FAM78A: variants seen among roughly 807,000 people sequenced by gnomAD.
FAM78A encodes family with sequence similarity 78 member A.
Under a neutral mutation model 22.6 loss-of-function variants are expected in FAM78A, and 12 were observed. The observed-to-expected ratio is 0.53, with a 90% CI of 0.34 to 0.86. FAM78A has a LOEUF of 0.86. Ranked by LOEUF, FAM78A falls within the 40% of genes least tolerant of loss-of-function variation. FAM78A has a pLI of 0.02. For synonymous variants in FAM78A, 151 were observed against 155.8 expected (o/e 0.97, Z 0.23); for missense variants, 322 against 396.1 (o/e 0.81, Z 1.59).
At position 131,260,774 on chromosome 9, in the gene FAM78A, CAGCGGTATTATTATTTGTGAGTCTA is replaced by C. The variant is rs1835252448; in HGVS notation, c.*23_*47del. ...GAAGAGTGAGTCTGAGTTTTGTTTT[CAGCGGTATTATTATTTGTGAGTCTA>C]ACCTAGCGGGTGGTCCTGGCTGTCA... is the stretch of plus-strand genomic sequence containing the variant. On this transcript the variant is annotated 3_prime_UTR_variant, in exon 2 of 2. Coordinates refer to ENST00000372271, the MANE Select transcript of FAM78A (RefSeq NM_033387.4). This position sits in a 1 kb window ranked among gnomAD's most constrained non-coding sequence, Gnocchi z 5.4. 6.7e-7 allele frequency: 1 copy of C among 1,498,826 alleles called. No homozygotes were observed. Among genetic ancestry groups the C allele is most frequent in the African/African-American group, 1.4e-5 (1 of 71,384 alleles). The allele number at this position is 1,498,826 out of a possible 1,614,324, so 92.8% of individuals were successfully genotyped here.
chr9:131,276,485 CAG>C lies in FAM78A; in HGVS notation c.-308_-307del, dbSNP rs1244068224. On this transcript the variant is annotated 5_prime_UTR_variant, in exon 1 of 2. Transcript: ENST00000372271. The surrounding 1 kb of genome is among the most constrained non-coding windows in gnomAD (Gnocchi z 4.3). ...CCTCACACGCGGGGACGGCAGCTCG[CAG>C]ACTCTCCCTGAAGTCTTCGGAGGAA... The C allele has an allele frequency of 4.1e-6, 1 of 243,302 alleles. No homozygotes were observed. Among genetic ancestry groups the C allele is most frequent in the Non-Finnish European group, 8.0e-6 (1 of 125,340 alleles). 15.1% of individuals were successfully genotyped at this position (243,302 alleles called of 1,614,324 possible). A position where few individuals can be genotyped will look rare whatever the true frequency, so the allele number is the denominator to read the frequency against.
In FAM78A at chr9:131,268,124, T is replaced by C. The variant is rs143145638; in HGVS notation, c.324-6774A>G. ...CCATGTCACACAGTCTCCCGCTCAG[T>C]CCTGGTTTCAGTCCCTCACACAGGC... On this transcript the variant is annotated intron_variant, in intron 1 of 1. Coordinates refer to ENST00000372271, the MANE Select transcript of FAM78A (RefSeq NM_033387.4). Among the ~76,000 whole-genome samples the C allele has an allele frequency of 3.6e-3, 545 of 151,816 alleles. 7 individuals carry two copies. The highest frequency in any genetic ancestry group is 0.012 in the African/African-American group (504 of 41,364).
At position 131,276,045 on chromosome 9, in the gene FAM78A, G is replaced by A. The variant is rs1359636430; in HGVS notation, c.135C>T (p.Ala45=). The A allele has an allele frequency of 1.2e-6, 2 of 1,613,832 alleles. No individual in the cohort carries two copies. The highest frequency in any genetic ancestry group is 1.1e-5 in the South Asian group (1 of 91,084). The change falls in exon 1 of 2, where the codon GCC becomes GCT. Residue 45 remains alanine (A), a synonymous_variant. Coordinates refer to ENST00000372271, the MANE Select transcript of FAM78A (RefSeq NM_033387.4). This position sits in a 1 kb window ranked among gnomAD's most constrained non-coding sequence, Gnocchi z 4.3. Reference sequence around the variant, plus strand: ...TGCTAGTGGGGACGGGGTCGATGGAGGCTTTCACATCAATCACCGTGATCC... The same window carrying A: ...TGCTAGTGGGGACGGGGTCGATGGAAGCTTTCACATCAATCACCGTGATCC... ...REGITVIDVK[A]SIDPVPTSID...
intron 1 of FAM78A, among the ~76,000 whole-genome samples, chr9:131,269,385 G>A (rs1002597505): frequency 6.6e-6 from 1 of 152,186 alleles, no homozygotes; most frequent in African/African-American, 2.4e-5. Context: ...CTGCACTGCA[G>A]GCAGAGCATA....
rs1835434425 is a variant in FAM78A at position 131,272,700 on chromosome 9, G to A, written c.323+3157C>T. Among the ~76,000 whole-genome samples the A allele has an allele frequency of 6.6e-6, 1 of 152,184 alleles. No individual in the cohort carries two copies. The highest frequency in any genetic ancestry group is 1.5e-5 in the Non-Finnish European group (1 of 68,032). ...AATCCCAGCCCTTTGGGAGGCCAAG[G>A]CAGGCAGATCACCTGAGGTCAGGAG... On this transcript the variant is annotated intron_variant, in intron 1 of 1. Transcript: ENST00000372271. The surrounding 1 kb of genome is among the most constrained non-coding windows in gnomAD (Gnocchi z 4.1).
rs1170447276 is a variant in FAM78A at position 131,265,675 on chromosome 9, C to T, written c.324-4325G>A. On this transcript the variant is annotated intron_variant, in intron 1 of 1. Transcript: ENST00000372271. This position sits in a 1 kb window ranked among gnomAD's most constrained non-coding sequence, Gnocchi z 4.3. ...TGCTGGGATTACAGGCGTGAGCCAC[C>T]GCACCTGGCTGTAAACAACCTGAGA... 1.3e-5 allele frequency among the ~76,000 whole-genome samples: 2 copies of T among 152,188 alleles called. No homozygotes were observed. Among genetic ancestry groups the T allele is most frequent in the African/African-American group, 2.4e-5 (1 of 41,464 alleles).
rs1835463650 is a variant in FAM78A at position 131,274,883 on chromosome 9, C to T, written c.323+974G>A. 6.6e-6 allele frequency among the ~76,000 whole-genome samples: 1 copy of T among 152,198 alleles called. No individual in the cohort carries two copies. Among genetic ancestry groups the T allele is most frequent in the Non-Finnish European group, 1.5e-5 (1 of 68,040 alleles). Reference sequence around the variant, plus strand: ...CTGAGAGAGGTTCTGGGAGTGTCAGCGGCCAGTCACGGGGCCGCATGGGTG... The same window carrying T: ...CTGAGAGAGGTTCTGGGAGTGTCAGTGGCCAGTCACGGGGCCGCATGGGTG... On this transcript the variant is annotated intron_variant, in intron 1 of 1. Coordinates refer to ENST00000372271, the MANE Select transcript of FAM78A (RefSeq NM_033387.4). This position sits in a 1 kb window ranked among gnomAD's most constrained non-coding sequence, Gnocchi z 4.2.
intron 1 of FAM78A, among the ~76,000 whole-genome samples, chr9:131,268,018 C>T (rs1283378048): frequency 6.1e-5 from 9 of 148,470 alleles, no homozygotes; most frequent in African/African-American, 2.3e-4. Context: ...CGCCACTGCA[C>T]TCCAGCCTGG....
upstream of FAM78A, among the ~76,000 whole-genome samples, chr9:131,278,643 T>TC (rs1188932623): frequency 6.6e-6 from 1 of 151,844 alleles, no homozygotes. Flanking sequence ...CCAAGGTCCT[T>TC]CCCCCCGTCC....
At chr9:131,266,850 C>CT (rs1399108277) in intron 1 of FAM78A, among the ~76,000 whole-genome samples, 2 of 152,356 alleles carry the variant, frequency 1.3e-5, no homozygotes, top group South Asian at 2.1e-4. Flanking sequence ...GGATCAGTGG[C>CT]TGTCAGTGCA....
Position 131,276,046 on chromosome 9 carries a change from G to A in FAM78A, c.134C>T (p.Ala45Val). The change falls in exon 1 of 2, where the codon GCC becomes GTC. Residue 45 changes from alanine to valine, a missense_variant. Coordinates refer to ENST00000372271, the MANE Select transcript of FAM78A (RefSeq NM_033387.4). The surrounding 1 kb of genome is among the most constrained non-coding windows in gnomAD (Gnocchi z 4.3). ...REGITVIDVKASIDPVPTSID... is the reference protein window; with the variant it reads ...REGITVIDVKVSIDPVPTSID... ...GCTAGTGGGGACGGGGTCGATGGAGGCTTTCACATCAATCACCGTGATCCC... is the reference window on the plus strand; with the variant it reads ...GCTAGTGGGGACGGGGTCGATGGAGACTTTCACATCAATCACCGTGATCCC... 6.2e-7 allele frequency: 1 copy of A among 1,613,808 alleles called. No homozygotes were observed. Among genetic ancestry groups the A allele is most frequent in the Non-Finnish European group, 8.5e-7 (1 of 1,180,038 alleles).
In FAM78A at chr9:131,272,686, T is replaced by G. The variant is rs1296019688; in HGVS notation, c.323+3171A>C. On this transcript the variant is annotated intron_variant, in intron 1 of 1. Transcript: ENST00000372271. The surrounding 1 kb of genome is among the most constrained non-coding windows in gnomAD (Gnocchi z 4.1). ...AGGCTCACACCTGTAATCCCAGCCC[T>G]TTGGGAGGCCAAGGCAGGCAGATCA... Among the ~76,000 whole-genome samples the G allele has an allele frequency of 1.3e-5, 2 of 152,172 alleles. No individual in the cohort carries two copies. The highest frequency in any genetic ancestry group is 2.9e-5 in the Non-Finnish European group (2 of 68,024).
In FAM78A at chr9:131,261,128, A is replaced by G. The variant is rs352952; in HGVS notation, c.546T>C (p.Asn182=). The G allele has an allele frequency of 0.98, 1,588,396 of 1,614,134 alleles. 783,229 individuals are homozygous for G. The highest frequency in any genetic ancestry group is 1 in the Non-Finnish European group (1,176,990 of 1,180,036). The part of the protein sequence containing the change: ...VSESNVAKLT[N]IYRDQSFTTW... ...TGGTGAAGCTCTGGTCCCGGTAGAT[A>G]TTGGTGAGCTTGGCCACGTTGCTCT... Residue 182 remains asparagine (N), a synonymous_variant, in exon 2 of 2, where the codon AAT becomes AAC. Coordinates refer to ENST00000372271, the MANE Select transcript of FAM78A (RefSeq NM_033387.4). The surrounding 1 kb of genome is among the most constrained non-coding windows in gnomAD (Gnocchi z 7.1).
Position 131,272,010 on chromosome 9 carries a change from T to G in FAM78A, c.323+3847A>C, listed in dbSNP as rs536899373. ...GCTCTGTCTGCAAAAGTCAGGGTAT[T>G]ATTGAGATGGTGGTTTTTTTTTTTA... On this transcript the variant is annotated intron_variant, in intron 1 of 1. Transcript: ENST00000372271. The surrounding 1 kb of genome is among the most constrained non-coding windows in gnomAD (Gnocchi z 4.1). Among the ~76,000 whole-genome samples the G allele has an allele frequency of 1.3e-5, 2 of 152,256 alleles. No homozygotes were observed. The highest frequency in any genetic ancestry group is 3.9e-4 in the East Asian group (2 of 5,184).
chr9:131,274,929 C>A lies in FAM78A; in HGVS notation c.323+928G>T, dbSNP rs1423827579. On this transcript the variant is annotated intron_variant, in intron 1 of 1. Coordinates refer to ENST00000372271, the MANE Select transcript of FAM78A (RefSeq NM_033387.4). The surrounding 1 kb of genome is among the most constrained non-coding windows in gnomAD (Gnocchi z 4.2). ...GGGTGGGCTGCCCGCCGGGGCCTGC[C>A]TAGCTCTCTCCAAAGGGTCCTTACG... 6.6e-6 allele frequency among the ~76,000 whole-genome samples: 1 copy of A among 152,214 alleles called. No individual in the cohort carries two copies. The highest frequency in any genetic ancestry group is 1.5e-5 in the Non-Finnish European group (1 of 68,038).
Position 131,275,793 on chromosome 9 carries a change from C to A in FAM78A, c.323+64G>T. 2 of 1,499,134 alleles carry A rather than the reference C, an allele frequency of 1.3e-6. No homozygotes were observed. Among genetic ancestry groups the A allele is most frequent in the East Asian group, 2.3e-5 (1 of 43,532 alleles). The allele number at this position is 1,499,134 out of a possible 1,614,324, so 92.9% of individuals were successfully genotyped here. A position where few individuals can be genotyped will look rare whatever the true frequency, so the allele number is the denominator to read the frequency against. ...CCACCTTCCCCCTATCCGCGGCCCC[C>A]CACCAGGCCTCCAAGCTCGGCCATC... On this transcript the variant is annotated intron_variant, in intron 1 of 1. Coordinates refer to ENST00000372271, the MANE Select transcript of FAM78A (RefSeq NM_033387.4). This position sits in a 1 kb window ranked among gnomAD's most constrained non-coding sequence, Gnocchi z 4.6.
chr9:131,260,509 G>A lies in FAM78A; in HGVS notation c.*313C>T, dbSNP rs963656608. 5.8e-5 allele frequency: 15 copies of A among 257,246 alleles called. No homozygotes were observed. The highest frequency in any genetic ancestry group is 1.1e-3 in the Middle Eastern group (1 of 904). The allele number at this position is 257,246 out of a possible 1,614,324, so 15.9% of individuals were successfully genotyped here. On this transcript the variant is annotated 3_prime_UTR_variant, in exon 2 of 2. Transcript: ENST00000372271. The surrounding 1 kb of genome is among the most constrained non-coding windows in gnomAD (Gnocchi z 5.4). ...CAAAAGAGGAGTTTTTTTAAAAAAC[G>A]GAAAAAGCAGTGTTTCAGGGAATCT...
chr9:131,262,963 G>A (rs1487715942), intron 1 of FAM78A, among the ~76,000 whole-genome samples: 1 of 152,072 alleles, frequency 6.6e-6, no homozygotes, highest in Non-Finnish European at 1.5e-5. Flanking sequence ...TTCTGGGCTG[G>A]GCGCAGTGGC....
chr9:131,260,774 C>T lies in FAM78A; in HGVS notation c.*48G>A. 1 of 1,498,944 alleles carries T rather than the reference C, an allele frequency of 6.7e-7. No individual in the cohort carries two copies. The highest frequency in any genetic ancestry group is 2.3e-5 in the East Asian group (1 of 43,380). The allele number at this position is 1,498,944 out of a possible 1,614,324, so 92.9% of individuals were successfully genotyped here. On this transcript the variant is annotated 3_prime_UTR_variant, in exon 2 of 2. Transcript: ENST00000372271. This position sits in a 1 kb window ranked among gnomAD's most constrained non-coding sequence, Gnocchi z 5.4. ...GAAGAGTGAGTCTGAGTTTTGTTTT[C>T]AGCGGTATTATTATTTGTGAGTCTA...
Sources: gnomAD v4.1 joint callset for allele counts (sites outside exome capture counted in the v4.1 genomes callset) on GRCh38, gnomAD v4.1.1 for gene constraint, Gnocchi (gnomAD v3.1) non-coding constraint, MANE v1.5 for transcripts, NCBI Gene and HGNC (gene_info 2026-07-23, HGNC 2026-07-21) for gene names.